Variants in GPHN observed in about 807,000 individuals in gnomAD.
GPHN encodes the protein gephyrin.
GPHN carries 17 observed loss-of-function variants against 95.5 expected under a neutral mutation model. The ratio of observed to expected loss-of-function variants is 0.18; its 90% CI spans 0.12 to 0.27. GPHN has a LOEUF of 0.27. Among genes scored for constraint, GPHN ranks in the 10% least tolerant of loss-of-function variants. The pLI, the probability that GPHN is intolerant of heterozygous loss-of-function variation, is 1.00. For synonymous variants in GPHN, 320 were observed against 322.5 expected (o/e 0.99, Z 0.08); for missense variants, 660 against 978.1 (o/e 0.67, Z 4.34).
the GPHN span, chr14:67,204,361 C>A: frequency 2.1e-6 from 1 of 478,344 alleles, no homozygotes; most frequent in Non-Finnish European, 2.7e-6. Context: ...ACCACTTAGG[C>A]ACAGGAAGTC....
chr14:67,324,905 T>C, the GPHN span, among the ~76,000 whole-genome samples: 1 of 138,548 alleles, frequency 7.2e-6, no homozygotes. Flanking sequence ...TCATTTTTTT[T>C]TTTTTTTTTT....
At chr14:67,044,734 C>T (rs61989644) in intron 10 of GPHN, among the ~76,000 whole-genome samples, 3 of 125,080 alleles carry the variant, frequency 2.4e-5, no homozygotes, top group African/African-American at 1.5e-4. Context: ...TCTTGAGTAC[C>T]CCCTTCCTCC....
chr14:66,620,532 A>G (rs1286957120), intron 1 of GPHN, among the ~76,000 whole-genome samples: 1 of 152,154 alleles, frequency 6.6e-6, no homozygotes, highest in East Asian at 1.9e-4. Flanking sequence ...TCATGAGAAC[A>G]GCACGGGAAA....
chr14:67,497,514 G>A, the GPHN span, among the ~76,000 whole-genome samples: 185 of 152,190 alleles, frequency 1.2e-3, no homozygotes, highest in Non-Finnish European at 2.1e-3. Flanking sequence ...CAATTCCCAC[G>A]TGACCAACAA....
chr14:66,655,145 T>A (rs1258387318), intron 1 of GPHN, among the ~76,000 whole-genome samples: 1 of 152,202 alleles, frequency 6.6e-6, no homozygotes, highest in African/African-American at 2.4e-5. Flanking sequence ...TGTCTATGTA[T>A]ACTAAAAATA....
the GPHN span, among the ~76,000 whole-genome samples, chr14:67,375,543 A>AT: frequency 2.0e-5 from 3 of 151,634 alleles, no homozygotes; most frequent in African/African-American, 7.3e-5. Flanking sequence ...AAAAAAAAAA[A>AT]GTTTCAATGA....
the GPHN span, among the ~76,000 whole-genome samples, chr14:67,258,630 C>T: frequency 2.0e-5 from 3 of 152,130 alleles, no homozygotes; most frequent in Admixed American, 6.5e-5. Flanking sequence ...CTATCTTGCC[C>T]AGGCCGGTCT....
At chr14:66,531,221 C>T (rs1485626533) in intron 1 of GPHN, among the ~76,000 whole-genome samples, 1 of 152,142 alleles carries the variant, frequency 6.6e-6, no homozygotes, top group Non-Finnish European at 1.5e-5. Context: ...GCTGGGATTA[C>T]AGGCATGAGA....
At chr14:67,460,644 T>C in the GPHN span, among the ~76,000 whole-genome samples, 8 of 152,114 alleles carry the variant, frequency 5.3e-5, no homozygotes, top group African/African-American at 1.9e-4. Context: ...GCAGAGGTTG[T>C]GGTGAGCCAA....
the GPHN span, chr14:67,592,222 C>A: frequency 3.9e-6 from 1 of 255,276 alleles, no homozygotes; most frequent in South Asian, 3.6e-5. Context: ...ATTGCTTGAA[C>A]TCAGGAGTTC....
Position 67,058,913 on chromosome 14 carries a change from C to CT in GPHN, c.1144+136dup, listed in dbSNP as rs112796626. On this transcript the variant is annotated intron_variant, in intron 11 of 22. Coordinates refer to ENST00000478722, the MANE Select transcript of GPHN (RefSeq NM_020806.5). ...AACCATTATTACAGTTATCATCATT[C>CT]TTTTTTTTTCTTATTTCTACTCAAT... is the stretch of plus-strand genomic sequence containing the variant. 7.2e-4 allele frequency: 613 copies of CT among 855,308 alleles called. 2 individuals are homozygous for CT. The highest frequency in any genetic ancestry group is 6.1e-3 in the East Asian group (246 of 40,032). 53.0% of individuals were successfully genotyped at this position (855,308 alleles called of 1,614,324 possible).
At chr14:66,774,043 G>A (rs536364134) in intron 2 of GPHN, among the ~76,000 whole-genome samples, 4 of 118,554 alleles carry the variant, frequency 3.4e-5, no homozygotes, top group African/African-American at 6.9e-5. Flanking sequence ...TCGCCCTGTC[G>A]CCCAGGTTGG....
chr14:66,560,406 T>C (rs2060185231), intron 1 of GPHN, among the ~76,000 whole-genome samples: 1 of 152,158 alleles, frequency 6.6e-6, no homozygotes, highest in African/African-American at 2.4e-5. Context: ...TGTATCCTCT[T>C]TTATTTCATT....
the GPHN span, among the ~76,000 whole-genome samples, chr14:67,681,195 G>A: frequency 6.6e-6 from 1 of 152,332 alleles, no homozygotes; most frequent in East Asian, 1.9e-4. Flanking sequence ...AAGGCCATGC[G>A]AGGGCTCAGA....
chr14:67,235,296 A>C, the GPHN span, among the ~76,000 whole-genome samples: 1 of 152,176 alleles, frequency 6.6e-6, no homozygotes, highest in African/African-American at 2.4e-5. Context: ...GAAAAGATAT[A>C]GGTAATTTTA....
intron 4 of GPHN, among the ~76,000 whole-genome samples, chr14:66,845,853 G>GTGTC (rs1555422374): frequency 5.9e-5 from 9 of 151,336 alleles, no homozygotes; most frequent in African/African-American, 1.9e-4. Flanking sequence ...GTGTGTGTGT[G>GTGTC]TGTGTGTCTG....
intron 10 of GPHN, among the ~76,000 whole-genome samples, chr14:67,040,197 A>G (rs2074628813): frequency 6.6e-6 from 1 of 152,176 alleles, no homozygotes; most frequent in East Asian, 1.9e-4. Context: ...AACTTCAGAA[A>G]TGTTACAAGA....
chr14:67,646,795 T>C, the GPHN span: 1 of 1,497,152 alleles, frequency 6.7e-7, no homozygotes, highest in Non-Finnish European at 9.3e-7. Context: ...TATGTTCTAT[T>C]TGAAAGGCTG....
chr14:66,662,984 A>G (rs1595453934), intron 1 of GPHN, among the ~76,000 whole-genome samples: 2 of 152,354 alleles, frequency 1.3e-5, no homozygotes, highest in South Asian at 4.1e-4. Context: ...ATGTAAAGAG[A>G]CTGAATATAT....
Sources: allele counts gnomAD v4.1 joint callset (sites outside exome capture counted in the v4.1 genomes callset), GRCh38; gene constraint gnomAD v4.1.1; transcripts MANE v1.5; gene names NCBI Gene and HGNC (gene_info 2026-07-23, HGNC 2026-07-21).